The following TTLL5 variants were observed in gnomAD, a reference collection of about 807,000 sequenced individuals.
TTLL5 encodes tubulin tyrosine ligase like 5.
A neutral mutation model predicts 168.4 loss-of-function variants in TTLL5; 132 were observed. The observed-to-expected ratio is 0.78, with a 90% CI of 0.68 to 0.91. TTLL5 has a LOEUF of 0.91. Ranked by LOEUF, TTLL5 falls within the 40% of genes least tolerant of loss-of-function variation. The pLI is 0.00. For synonymous variants in TTLL5, 546 were observed against 558.6 expected, an observed-to-expected ratio of 0.98 and a Z score of 0.32; for missense variants, 1,545 against 1,581.5, an observed-to-expected ratio of 0.98 and a Z score of 0.39.
At chr14:75,755,948 G>A (rs1162312929) in intron 18 of TTLL5, among the ~76,000 whole-genome samples, 3 of 151,972 alleles carry the variant, frequency 2.0e-5, no homozygotes, top group Middle Eastern at 3.2e-3. Context: ...TATGGCAGTT[G>A]CTTTAACCCT....
intron 16 of TTLL5, 86 bp from the exon 17 acceptor site, chr14:75,745,404 G>T: frequency 7.3e-7 from 1 of 1,369,356 alleles, no homozygotes; most frequent in South Asian, 1.2e-5. Flanking sequence ...TCATATTCTT[G>T]GGTCATAACT....
intron 31 of TTLL5, among the ~76,000 whole-genome samples, chr14:75,942,932 A>G (rs777363621): frequency 6.6e-6 from 1 of 152,238 alleles, no homozygotes; most frequent in Non-Finnish European, 1.5e-5. Context: ...ATAATAAGAC[A>G]TAACTTCATT....
chr14:75,871,998 A>G (rs2031075689), intron 29 of TTLL5, among the ~76,000 whole-genome samples: 1 of 152,258 alleles, frequency 6.6e-6, no homozygotes, highest in Non-Finnish European at 1.5e-5. Context: ...ACACGTTAGG[A>G]GAACGGGGCC....
chr14:75,705,242 G>A (rs1030651217), intron 7 of TTLL5, among the ~76,000 whole-genome samples: 18 of 152,220 alleles, frequency 1.2e-4, no homozygotes, highest in African/African-American at 3.9e-4. Context: ...GATGGGTTGT[G>A]AAAGCTGTGT....
chr14:75,826,655 C>G (rs1181934455), intron 28 of TTLL5, among the ~76,000 whole-genome samples: 1 of 152,108 alleles, frequency 6.6e-6, no homozygotes, highest in African/African-American at 2.4e-5. Context: ...AAATGAGACT[C>G]TGTTTTTAGA....
At chr14:75,787,638 C>CAAG (rs1490482118) in intron 26 of TTLL5, among the ~76,000 whole-genome samples, 1 of 152,104 alleles carries the variant, frequency 6.6e-6, no homozygotes, top group Non-Finnish European at 1.5e-5. Context: ...AGGATTTGAA[C>CAAG]AAGATGATAA....
intron 31 of TTLL5, among the ~76,000 whole-genome samples, chr14:75,953,618 A>C (rs2140227603): frequency 6.6e-6 from 1 of 152,302 alleles, no homozygotes; most frequent in East Asian, 1.9e-4. Flanking sequence ...GTAATGGTAA[A>C]GTTCCTTTTC....
Position 75,952,738 on chromosome 14 carries a change from T to C in TTLL5, c.3824-1686T>C, listed in dbSNP as rs1398746270. Among the ~76,000 whole-genome samples the C allele has an allele frequency of 2.6e-5, 4 of 152,228 alleles. No homozygotes were observed. The East Asian group carries it at 7.7e-4, about 29-fold the overall frequency. On this transcript the variant is annotated intron_variant, in intron 31 of 31. Transcript: ENST00000298832. ...ATAGATGACCCTTTAAAACATTATG[T>C]TAAGTGAAAGAAGCCAGTCCCGAAG...
chr14:75,884,090 G>A (rs1167845042), intron 30 of TTLL5, among the ~76,000 whole-genome samples: 1 of 152,140 alleles, frequency 6.6e-6, no homozygotes, highest in East Asian at 1.9e-4. Context: ...CTACCTCCTA[G>A]GTCAGTTGTT....
intron 20 of TTLL5, among the ~76,000 whole-genome samples, chr14:75,769,074 C>G (rs952755608): frequency 1.3e-5 from 2 of 152,186 alleles, no homozygotes; most frequent in Non-Finnish European, 2.9e-5. Context: ...ATTTGAAAAC[C>G]ACTGGACTGT....
At chr14:75,818,315 T>C (rs1245721703) in intron 27 of TTLL5, among the ~76,000 whole-genome samples, 1 of 152,150 alleles carries the variant, frequency 6.6e-6, no homozygotes, top group East Asian at 1.9e-4. Context: ...ATGCTACTTA[T>C]AGTCTGGATT....
intron 26 of TTLL5, among the ~76,000 whole-genome samples, chr14:75,788,111 T>C (rs534224377): frequency 6.6e-6 from 1 of 152,056 alleles, no homozygotes; most frequent in South Asian, 2.1e-4. Context: ...CATAGCGAGA[T>C]CCCATCTCTA....
chr14:75,926,956 A>G (rs2034092104), intron 31 of TTLL5, among the ~76,000 whole-genome samples: 2 of 152,254 alleles, frequency 1.3e-5, no homozygotes, highest in East Asian at 1.9e-4. Flanking sequence ...TGCAGTGTAT[A>G]TATACAGATT....
chr14:75,780,625 C>A (rs117006793), intron 24 of TTLL5, among the ~76,000 whole-genome samples: 1,880 of 152,278 alleles, frequency 0.012, 15 homozygotes, highest in South Asian at 0.025. Flanking sequence ...TTCTTCCCTG[C>A]TCTTAAGTTA....
intron 27 of TTLL5, among the ~76,000 whole-genome samples, chr14:75,811,486 T>G (rs1052249180): frequency 2.0e-5 from 3 of 152,200 alleles, no homozygotes; most frequent in African/African-American, 7.2e-5. Context: ...ATTTTTTAAT[T>G]TCTTTAGCTG....
chr14:75,702,208 A>C (rs997153023), intron 7 of TTLL5, among the ~76,000 whole-genome samples: 4 of 152,250 alleles, frequency 2.6e-5, no homozygotes, highest in African/African-American at 9.6e-5. Flanking sequence ...TACCTGGCCT[A>C]GGCCACTCTG....
chr14:75,783,322 C>T lies in TTLL5; in HGVS notation c.2778C>T (p.Pro926=). The part of the protein sequence containing the change: ...SSLSQIPSAI[P]SMPHQPTILL... ...TATCTCAAATTCCTTCAGCTATCCC[C>T]AGCATGCCTCACCAGCCAACAATTT... is the stretch of plus-strand genomic sequence containing the variant. The change falls in exon 26 of 32, where the codon CCC becomes CCT. Residue 926 remains proline, a synonymous_variant. Transcript: ENST00000298832. 5 of 1,614,170 alleles carry T rather than the reference C, an allele frequency of 3.1e-6. No homozygotes were observed. Among genetic ancestry groups the T allele is most frequent in the Non-Finnish European group, 4.2e-6 (5 of 1,180,030 alleles).
intron 29 of TTLL5, among the ~76,000 whole-genome samples, chr14:75,875,685 C>T (rs2031431945): frequency 6.6e-6 from 1 of 152,020 alleles, no homozygotes; most frequent in Non-Finnish European, 1.5e-5. Flanking sequence ...CCATTAAAAA[C>T]AGCAGTCTAG....
chr14:75,830,002 A>G (rs1039981813), intron 28 of TTLL5, among the ~76,000 whole-genome samples: 7 of 152,216 alleles, frequency 4.6e-5, no homozygotes, highest in Non-Finnish European at 8.8e-5. Context: ...TCACAACTAA[A>G]TGAGAAATAG....
Sources: allele counts gnomAD v4.1 joint callset (sites outside exome capture counted in the v4.1 genomes callset), GRCh38; gene constraint gnomAD v4.1.1; transcripts MANE v1.5; gene names NCBI Gene and HGNC (gene_info 2026-07-23, HGNC 2026-07-21).